TYW1B: variants seen among roughly 807,000 people sequenced by gnomAD.
The protein encoded by TYW1B is S-adenosyl-L-methionine-dependent tRNA 4-demethylwyosine synthase TYW1B.
A neutral mutation model predicts 86.9 loss-of-function variants in TYW1B; 73 were observed. The ratio of observed to expected loss-of-function variants is 0.84; its 90% CI spans 0.70 to 1.02. TYW1B has a LOEUF of 1.02. Among genes scored for constraint, TYW1B ranks in the 50% least tolerant of loss-of-function variants. TYW1B has a pLI of 0.00. For synonymous variants in TYW1B, 248 were observed against 292.8 expected, an observed-to-expected ratio of 0.85 and a Z score of 1.56; for missense variants, 637 against 827.4, an observed-to-expected ratio of 0.77 and a Z score of 2.82.
intron 13 of TYW1B, among the ~76,000 whole-genome samples, chr7:72,588,870 T>C (rs1271257808): frequency 6.6e-6 from 1 of 151,942 alleles, no homozygotes; most frequent in Non-Finnish European, 1.5e-5. Flanking sequence ...TGGAGTACAG[T>C]GGTGCAATCT....
In TYW1B at chr7:72,672,726, T is replaced by C. The variant is rs192062246; in HGVS notation, c.1506+21961A>G. Among the ~76,000 whole-genome samples, 361 of 152,282 alleles carry C rather than the reference T, an allele frequency of 2.4e-3. 3 individuals carry two copies. The highest frequency in any genetic ancestry group is 7.7e-3 in the African/African-American group (318 of 41,554). On this transcript the variant is annotated intron_variant, in intron 11 of 13. Coordinates refer to ENST00000620995, the MANE Select transcript of TYW1B (RefSeq NM_001145440.3). ...GTATCCATGGGGGTCCTGGAACCAATCCTCTGCAGATACTGAGAGACAACA... is the reference window on the plus strand; with the variant it reads ...GTATCCATGGGGGTCCTGGAACCAACCCTCTGCAGATACTGAGAGACAACA...
rs143826447 is a variant in TYW1B at position 72,756,769 on chromosome 7, T to C, written c.965-12168A>G. Among the ~76,000 whole-genome samples, 16 of 152,202 alleles carry C rather than the reference T, an allele frequency of 1.1e-4. No individual in the cohort carries two copies. The East Asian group carries it at 3.1e-3, about 29-fold the overall frequency. On this transcript the variant is annotated intron_variant, in intron 7 of 13. Transcript: ENST00000620995. ...TGATAAAGAGCCCTTAGCCAGAATA[T>C]ATAAAGAACTTTTACAATCCAACAA...
At chr7:72,646,372 T>A (rs139664588) in intron 11 of TYW1B, among the ~76,000 whole-genome samples, 1,924 of 151,760 alleles carry the variant, frequency 0.013, 42 homozygotes, top group African/African-American at 0.042. Context: ...TAAAAAGTCT[T>A]TATTTTATTT....
intron 11 of TYW1B, among the ~76,000 whole-genome samples, chr7:72,657,595 G>A (rs1376727377): frequency 2.6e-5 from 4 of 152,100 alleles, no homozygotes; most frequent in Non-Finnish European, 4.4e-5. Context: ...AACAACAAGT[G>A]TCAAGTCATA....
rs1478210617 is a variant in TYW1B, at chr7:72,828,182, C to G, written c.-107G>C. The stretch of plus-strand genomic sequence containing the variant: ...CTACCTCGCGGCGTTAGCGCCGTAC[C>G]GAGTGGCTGCAGAACTGTGGGCAGC... On this transcript the variant is annotated 5_prime_UTR_variant, in exon 1 of 14. Coordinates refer to ENST00000620995, the MANE Select transcript of TYW1B (RefSeq NM_001145440.3). The G allele has an allele frequency of 2.5e-6, 4 of 1,569,836 alleles. No homozygotes were observed. The highest frequency in any genetic ancestry group is 2.3e-5 in the South Asian group (2 of 86,292).
intron 9 of TYW1B, among the ~76,000 whole-genome samples, chr7:72,728,547 T>C (rs1787047031): frequency 6.6e-6 from 1 of 152,170 alleles, no homozygotes; most frequent in African/African-American, 2.4e-5. Flanking sequence ...CCTCAGGTGA[T>C]CCGCCCGCCT....
chr7:72,724,650 C>T (rs1388457608), intron 9 of TYW1B, among the ~76,000 whole-genome samples: 4 of 152,120 alleles, frequency 2.6e-5, no homozygotes, highest in Non-Finnish European at 5.9e-5. Flanking sequence ...CAACCAGTTC[C>T]ACTCTGAAAA....
At chr7:72,818,288 T>G (rs73131512) in intron 2 of TYW1B, among the ~76,000 whole-genome samples, 1 of 151,832 alleles carries the variant, frequency 6.6e-6, no homozygotes, top group Non-Finnish European at 1.5e-5. Context: ...GCATTGCTAT[T>G]AAAAAATACC....
At chr7:72,690,999 C>T (rs1177214137) in intron 11 of TYW1B, among the ~76,000 whole-genome samples, 5 of 152,248 alleles carry the variant, frequency 3.3e-5, no homozygotes, top group East Asian at 1.9e-4. Flanking sequence ...GTGATCTGCC[C>T]GCCTCAGCCT....
At chr7:72,726,365 T>A (rs549051083) in intron 9 of TYW1B, among the ~76,000 whole-genome samples, 1 of 150,792 alleles carries the variant, frequency 6.6e-6, no homozygotes, top group Admixed American at 6.6e-5. Flanking sequence ...TGACTAATTT[T>A]TTTTGTTTTT....
intron 11 of TYW1B, among the ~76,000 whole-genome samples, chr7:72,632,487 CACATATAT>C (rs1384635190): frequency 8.9e-5 from 10 of 111,908 alleles, no homozygotes; most frequent in African/African-American, 3.3e-4. Context: ...TATATATATA[CACATATAT>C]ACATATATAT....
intron 11 of TYW1B, among the ~76,000 whole-genome samples, chr7:72,645,779 A>G (rs373472721): frequency 6.6e-6 from 1 of 152,042 alleles, no homozygotes; most frequent in Non-Finnish European, 1.5e-5. Flanking sequence ...GGAGGGGCTG[A>G]TGACCAGGAA....
chr7:72,812,602 G>A (rs1788641303), intron 3 of TYW1B, among the ~76,000 whole-genome samples: 1 of 151,922 alleles, frequency 6.6e-6, no homozygotes, highest in Non-Finnish European at 1.5e-5. Flanking sequence ...TTTCTTGGGG[G>A]ACAAAGAAAT....
At chr7:72,638,989 A>G (rs1165798154) in intron 11 of TYW1B, among the ~76,000 whole-genome samples, 1 of 152,186 alleles carries the variant, frequency 6.6e-6, no homozygotes, top group African/African-American at 2.4e-5. Flanking sequence ...CTAACGACAA[A>G]TGACCCACCT....
intron 10 of TYW1B, among the ~76,000 whole-genome samples, chr7:72,710,304 G>C (rs35871708): frequency 6.6e-6 from 1 of 151,970 alleles, no homozygotes; most frequent in Non-Finnish European, 1.5e-5. Flanking sequence ...CCAATGTCCC[G>C]CACATCAGCC....
At chr7:72,725,433 A>C (rs1786981081) in intron 9 of TYW1B, among the ~76,000 whole-genome samples, 1 of 152,110 alleles carries the variant, frequency 6.6e-6, no homozygotes, top group South Asian at 2.1e-4. Flanking sequence ...TAACTCAAAA[A>C]TCAACTTCAC....
At chr7:72,729,650 C>G (rs1276873753) in intron 8 of TYW1B, among the ~76,000 whole-genome samples, 1 of 152,088 alleles carries the variant, frequency 6.6e-6, no homozygotes, top group Non-Finnish European at 1.5e-5. Context: ...AGACCACCCC[C>G]AAGACAGACA....
At chr7:72,740,732 T>TG (rs1787288900) in intron 8 of TYW1B, among the ~76,000 whole-genome samples, 5 of 86,648 alleles carry the variant, frequency 5.8e-5, no homozygotes, top group Non-Finnish European at 8.5e-5. Context: ...TATGCAGTTT[T>TG]CTTTTTTTTT....
At chr7:72,680,918 T>A (rs1235915776) in intron 11 of TYW1B, among the ~76,000 whole-genome samples, 6 of 152,212 alleles carry the variant, frequency 3.9e-5, no homozygotes, top group African/African-American at 7.2e-5. Flanking sequence ...TCACTGTATC[T>A]TTTCATATGT....
Sources: gnomAD v4.1 joint callset for allele counts (sites outside exome capture counted in the v4.1 genomes callset) on GRCh38, gnomAD v4.1.1 for gene constraint, MANE v1.5 for transcripts, NCBI Gene and HGNC (gene_info 2026-07-23, HGNC 2026-07-21) for gene names.